The following NID1 variants were observed in gnomAD, a reference collection of about 807,000 sequenced individuals.
NID1 encodes the protein nidogen-1.
Under a neutral mutation model 130.6 loss-of-function variants are expected in NID1, and 76 were observed. The ratio of observed to expected loss-of-function variants is 0.58; its 90% confidence interval spans 0.48 to 0.70. NID1 has a LOEUF of 0.70. Ranked by LOEUF, NID1 falls within the 30% of genes least tolerant of loss-of-function variation. The pLI, the probability that NID1 is intolerant of heterozygous loss-of-function variation, is 0.00. For missense variants in NID1, 1,517 were observed against 1,664.8 expected (o/e 0.91, Z 1.54); for synonymous variants, 665 against 675.1 (o/e 0.98, Z 0.23).
intron 5 of NID1, among the ~76,000 whole-genome samples, chr1:236,037,526 C>T (rs181640856): frequency 3.8e-4 from 58 of 152,128 alleles, no homozygotes; most frequent in Admixed American, 3.4e-3. Flanking sequence ...GGTTTGGTGG[C>T]GCACATCTGT....
intron 1 of NID1, chr1:236,064,608 C>T (rs1048744070): frequency 7.8e-6 from 4 of 510,156 alleles, no homozygotes; most frequent in Non-Finnish European, 1.4e-5. Flanking sequence ...TCCATGGGTG[C>T]CGGGGTCACG....
intron 1 of NID1, among the ~76,000 whole-genome samples, chr1:236,059,139 G>A (rs1358342365): frequency 2.0e-5 from 3 of 152,202 alleles, no homozygotes; most frequent in African/African-American, 4.8e-5. Flanking sequence ...AACCAAGAAC[G>A]GAACACACAT....
At position 236,028,272 on chromosome 1, in the gene NID1, A is replaced by T. The variant is rs191340914; in HGVS notation, c.1738+1278T>A. On this transcript the variant is annotated intron_variant, in intron 7 of 19. Transcript: ENST00000264187. The stretch of plus-strand genomic sequence containing the variant: ...ACATTAACTGAAAAGGTGAAGATAT[A>T]ACAATGTGGTATGATTGCAATTTTA... 4.2e-3 allele frequency among the ~76,000 whole-genome samples: 636 copies of T among 152,360 alleles called. 4 individuals are homozygous for T. The highest frequency in any genetic ancestry group is 7.0e-3 in the Non-Finnish European group (474 of 68,030).
intron 9 of NID1, 99 bp downstream of exon 9, chr1:236,023,971 G>A (rs1658846290): frequency 1.0e-5 from 15 of 1,480,660 alleles, no homozygotes; most frequent in South Asian, 5.0e-5. Context: ...TATCTCATCC[G>A]TGCTTCCTTG....
intron 4 of NID1, among the ~76,000 whole-genome samples, chr1:236,040,762 C>T (rs559324255): frequency 2.0e-5 from 3 of 151,478 alleles, no homozygotes; most frequent in Admixed American, 6.6e-5. Flanking sequence ...CTCTCAGGTT[C>T]GAGCGATTCT....
Position 235,980,478 on chromosome 1 carries a change from T to C in NID1, c.3385+18A>G, listed in dbSNP as rs1302167901. 3.1e-6 allele frequency: 5 copies of C among 1,613,770 alleles called. No individual in the cohort carries two copies. The highest frequency in any genetic ancestry group is 8.5e-7 in the Non-Finnish European group (1 of 1,179,880). On this transcript the variant is annotated intron_variant, in intron 17 of 19. Coordinates refer to ENST00000264187, the MANE Select transcript of NID1 (RefSeq NM_002508.3). ...GGAGATTGAGACCCGCCCTGGACAG[T>C]GTCCAGCTTTCCATCACCTGCATCC... is the stretch of plus-strand genomic sequence containing the variant.
intron 5 of NID1, among the ~76,000 whole-genome samples, chr1:236,035,789 C>T (rs917121589): frequency 1.3e-5 from 2 of 152,176 alleles, no homozygotes; most frequent in Admixed American, 6.5e-5. Flanking sequence ...CAGAGTCATT[C>T]TGCACACACG....
chr1:236,044,226 T>A (rs1659534900), intron 3 of NID1, among the ~76,000 whole-genome samples: 1 of 152,194 alleles, frequency 6.6e-6, no homozygotes, highest in Non-Finnish European at 1.5e-5. Flanking sequence ...TGGACTAGCT[T>A]GTGAGAGCTG....
At chr1:236,027,493 A>C (rs922960437) in intron 7 of NID1, among the ~76,000 whole-genome samples, 4 of 152,184 alleles carry the variant, frequency 2.6e-5, no homozygotes, top group African/African-American at 9.7e-5. Flanking sequence ...ACAAAACTCC[A>C]GTAATTGCTT....
intron 15 of NID1, among the ~76,000 whole-genome samples, chr1:235,983,652 TC>T (rs1302069748): frequency 1.3e-5 from 2 of 152,182 alleles, no homozygotes; most frequent in Non-Finnish European, 2.9e-5. Context: ...CCAGCCTTGG[TC>T]CCGATCTCAA....
intron 2 of NID1, among the ~76,000 whole-genome samples, chr1:236,047,206 C>T (rs1462662204): frequency 2.0e-5 from 3 of 152,174 alleles, no homozygotes; most frequent in Non-Finnish European, 2.9e-5. Flanking sequence ...GGTGAATCAC[C>T]AAGAGGGAGA....
chr1:236,012,574 A>AGAAAG (rs1553343909), intron 11 of NID1, among the ~76,000 whole-genome samples: 3 of 98,526 alleles, frequency 3.0e-5, no homozygotes, highest in Admixed American at 1.3e-4. Context: ...AAAAAAAAAA[A>AGAAAG]AAAAAAAGAA....
rs1659473615 is a variant in NID1 at position 236,042,194 on chromosome 1, T to C, written c.851A>G (p.Glu284Gly). 6.2e-7 allele frequency: 1 copy of C among 1,613,794 alleles called. No homozygotes were observed. Among genetic ancestry groups the C allele is most frequent in the African/African-American group, 1.3e-5 (1 of 74,992 alleles). The change falls in exon 4 of 20, where the codon GAA (glutamate) becomes GGA (glycine). Residue 284 changes from glutamate (E) to glycine (G), a missense_variant. Coordinates refer to ENST00000264187, the MANE Select transcript of NID1 (RefSeq NM_002508.3). ...CTCATCATCATACTCTGCCCCATCT[T>C]CAGTTCCGAGGATCACGTCTGCAGG... The part of the protein sequence containing the change: ...VVPADVILGT[E>G]DGAEYDDEDE...
At chr1:236,060,227 CT>C (rs968259445) in intron 1 of NID1, among the ~76,000 whole-genome samples, 44 of 152,116 alleles carry the variant, frequency 2.9e-4, no homozygotes, top group African/African-American at 9.9e-4. Flanking sequence ...CATGCCTCCC[CT>C]TTTTAGACCA....
chr1:236,043,502 A>G (rs1659511524), intron 3 of NID1, among the ~76,000 whole-genome samples: 2 of 152,256 alleles, frequency 1.3e-5, no homozygotes, highest in South Asian at 4.1e-4. Flanking sequence ...GGTTTTTTAG[A>G]AATCCCAACT....
Position 236,015,647 on chromosome 1 carries a change from CA to C in NID1, c.2254+1500del, listed in dbSNP as rs71559908. On this transcript the variant is annotated intron_variant, in intron 10 of 19. Transcript: ENST00000264187. ...GGGTGACAATAGCAAAACCCTGTCT[CA>C]AAAAAAAAAAAAAAAAAAAGGGAGG... Among the ~76,000 whole-genome samples the C allele has an allele frequency of 1.7e-3, 135 of 80,036 alleles. 1 individual carries two copies. Among genetic ancestry groups the C allele is most frequent in the Middle Eastern group, 7.2e-3 (1 of 138 alleles). 52.5% of individuals were successfully genotyped at this position (80,036 alleles called of 152,430 possible).
intron 1 of NID1, among the ~76,000 whole-genome samples, chr1:236,052,206 C>T (rs1659777787): frequency 6.6e-6 from 1 of 152,196 alleles, no homozygotes; most frequent in Admixed American, 6.5e-5. Flanking sequence ...TATTCCCGTC[C>T]ACTTGGGTGC....
At chr1:236,049,718 G>A (rs1405870366) in intron 1 of NID1, among the ~76,000 whole-genome samples, 2 of 152,096 alleles carry the variant, frequency 1.3e-5, no homozygotes, top group African/African-American at 4.8e-5. Flanking sequence ...TTTTACTAAT[G>A]TCTAATGCTC....
chr1:236,016,223 T>G (rs1045944946), intron 10 of NID1, among the ~76,000 whole-genome samples: 1 of 150,952 alleles, frequency 6.6e-6, no homozygotes, highest in African/African-American at 2.4e-5. Context: ...CTGGCCTCCC[T>G]GAGCTCACAG....
Sources: gnomAD v4.1 joint callset for allele counts (sites outside exome capture counted in the v4.1 genomes callset) on GRCh38, gnomAD v4.1.1 for gene constraint, MANE v1.5 for transcripts, NCBI Gene and HGNC (gene_info 2026-07-23, HGNC 2026-07-21) for gene names.